The following GABRG3 variants were observed in gnomAD, a reference collection of about 807,000 sequenced individuals.
GABRG3 encodes the protein gamma-aminobutyric acid receptor subunit gamma-3.
A neutral mutation model predicts 48.8 loss-of-function variants in GABRG3; 25 were observed. The ratio of observed to expected loss-of-function variants is 0.51; its 90% confidence interval spans 0.37 to 0.72. The LOEUF (loss-of-function observed/expected upper bound fraction) is 0.72. Among genes scored for constraint, GABRG3 ranks in the 30% least tolerant of loss-of-function variants. The pLI is 0.00. For synonymous variants in GABRG3, 227 were observed against 217.6 expected (o/e 1.04, Z -0.38); for missense variants, 394 against 577.9 (o/e 0.68, Z 3.26).
chr15:27,400,863 G>A lies in GABRG3; in HGVS notation c.574+71975G>A, dbSNP rs117118744. Among the ~76,000 whole-genome samples the A allele has an allele frequency of 3.3e-5, 5 of 152,094 alleles. No homozygotes were observed. The East Asian group carries it at 5.8e-4, about 18-fold the overall frequency. On this transcript the variant is annotated intron_variant, in intron 5 of 9. Transcript: ENST00000615808. ...CGTGTGTCCTCTAAACAACGAAGAT[G>A]TATTTAACCTCAGACCTGGCTCACA...
chr15:27,458,674 C>A (rs1889359493), intron 5 of GABRG3, among the ~76,000 whole-genome samples: 1 of 151,136 alleles, frequency 6.6e-6, no homozygotes, highest in Admixed American at 6.6e-5. Flanking sequence ...GGCTCACTTT[C>A]TCCATATGCC....
At chr15:27,022,494 G>A (rs886534974) in intron 2 of GABRG3, among the ~76,000 whole-genome samples, 11 of 152,184 alleles carry the variant, frequency 7.2e-5, no homozygotes, top group East Asian at 1.9e-4. Flanking sequence ...GGGCTGAGGC[G>A]AGTTTAGCAG....
intron 3 of GABRG3, among the ~76,000 whole-genome samples, chr15:27,172,165 T>G (rs1403103130): frequency 2.0e-5 from 3 of 152,178 alleles, no homozygotes; most frequent in Non-Finnish European, 4.4e-5. Flanking sequence ...TGACAGGACA[T>G]TCAACCCACA....
intron 5 of GABRG3, among the ~76,000 whole-genome samples, chr15:27,386,735 C>T (rs558468558): frequency 2.0e-5 from 3 of 152,268 alleles, no homozygotes; most frequent in Admixed American, 2.0e-4. Flanking sequence ...CTGTTTATAA[C>T]CAGACTCAAT....
chr15:27,136,786 C>CAA (rs1566944526), intron 3 of GABRG3, among the ~76,000 whole-genome samples: 1 of 152,148 alleles, frequency 6.6e-6, no homozygotes, highest in East Asian at 1.9e-4. Context: ...GGGTAAGTCA[C>CAA]AACATCTCAC....
intron 3 of GABRG3, among the ~76,000 whole-genome samples, chr15:27,198,346 G>T (rs1888566544): frequency 6.6e-6 from 1 of 152,130 alleles, no homozygotes; most frequent in Non-Finnish European, 1.5e-5. Flanking sequence ...GATATGAACA[G>T]ACATCTTTCA....
At chr15:27,231,428 T>C (rs11855073) in intron 3 of GABRG3, among the ~76,000 whole-genome samples, 27,580 of 152,136 alleles carry the variant, frequency 0.18, 3,474 homozygotes, top group East Asian at 0.41. Flanking sequence ...GCTCCTCTGA[T>C]AAAAGTGTTG....
intron 5 of GABRG3, chr15:27,363,220 G>C (rs935008603): frequency 6.6e-6 from 1 of 152,124 alleles, no homozygotes; most frequent in South Asian, 2.1e-4. Context: ...CTTCTTGCAG[G>C]TGAAATAAGC....
At chr15:27,216,722 C>G (rs1288870525) in intron 3 of GABRG3, among the ~76,000 whole-genome samples, 2 of 139,308 alleles carry the variant, frequency 1.4e-5, no homozygotes, top group Admixed American at 1.6e-4. Context: ...TTACTTCTGA[C>G]CAATTCATTT....
At chr15:27,363,103 A>T (rs972693450) in intron 5 of GABRG3, 3 of 152,206 alleles carry the variant, frequency 2.0e-5, no homozygotes, top group African/African-American at 7.2e-5. Context: ...CCCCCAAAAG[A>T]GGCTGTCCCT....
chr15:27,061,177 G>A (rs1338070379), intron 3 of GABRG3, among the ~76,000 whole-genome samples: 1 of 152,250 alleles, frequency 6.6e-6, no homozygotes, highest in African/African-American at 2.4e-5. Context: ...GGTAAGAAGT[G>A]AAAGGCCAAT....
In GABRG3 at chr15:27,306,623, A is replaced by ATAAACATATGTTTATATATAAACAT. The variant is rs1566768569; in HGVS notation, c.271-20186_271-20185insTAAACATATGTTTATATATAAACAT. Among the ~76,000 whole-genome samples, 252 of 120,170 alleles carry ATAAACATATGTTTATATATAAACAT rather than the reference A, an allele frequency of 2.1e-3. 10 individuals carry two copies. The highest frequency in any genetic ancestry group is 8.7e-3 in the African/African-American group (244 of 27,944). 78.8% of individuals were successfully genotyped at this position (120,170 alleles called of 152,430 possible). A position where few individuals can be genotyped will look rare whatever the true frequency, so the allele number is the denominator to read the frequency against. On this transcript the variant is annotated intron_variant, in intron 3 of 9. Coordinates refer to ENST00000615808, the MANE Select transcript of GABRG3 (RefSeq NM_033223.5). ...CATATGTTTATATATAAACATATAT[A>ATAAACATATGTTTATATATAAACAT]ATATAAACATATATTTATATATAAA...
intron 5 of GABRG3, among the ~76,000 whole-genome samples, chr15:27,369,806 CAAAA>C (rs34901488): frequency 4.3e-4 from 13 of 30,270 alleles, no homozygotes; most frequent in African/African-American, 9.0e-4. Context: ...GACTCCGTCT[CAAAA>C]AAAAAAAAAA....
intron 3 of GABRG3, among the ~76,000 whole-genome samples, chr15:27,029,410 G>C (rs1455828761): frequency 6.6e-6 from 1 of 151,864 alleles, no homozygotes; most frequent in Non-Finnish European, 1.5e-5. Context: ...GCAAAGCATA[G>C]AGGGCAGGCA....
At chr15:27,091,906 T>A (rs540490875) in intron 3 of GABRG3, among the ~76,000 whole-genome samples, 1 of 152,296 alleles carries the variant, frequency 6.6e-6, no homozygotes, top group African/African-American at 2.4e-5. Context: ...CATTCCTTGG[T>A]TGTTATAACC....
chr15:27,077,610 G>A (rs1416219079), intron 3 of GABRG3, among the ~76,000 whole-genome samples: 1 of 152,168 alleles, frequency 6.6e-6, no homozygotes, highest in Non-Finnish European at 1.5e-5. Context: ...GACCCCGTGT[G>A]AGCCTTCTTC....
At chr15:27,455,585 T>C (rs58044935) in intron 5 of GABRG3, among the ~76,000 whole-genome samples, 1,840 of 151,510 alleles carry the variant, frequency 0.012, 19 homozygotes, top group African/African-American at 0.043. Flanking sequence ...GGTGTGTATG[T>C]GTGCTATGTG....
intron 5 of GABRG3, among the ~76,000 whole-genome samples, chr15:27,346,955 C>T (rs1489216892): frequency 6.6e-6 from 1 of 151,708 alleles, no homozygotes; most frequent in African/African-American, 2.4e-5. Flanking sequence ...TGCTGTGTCT[C>T]TTTACATTGA....
chr15:26,990,822 T>A (rs76362385), intron 2 of GABRG3, among the ~76,000 whole-genome samples: 2 of 140,048 alleles, frequency 1.4e-5, no homozygotes, highest in East Asian at 4.1e-4. Flanking sequence ...TTTTTTTTTT[T>A]AAGACAGAGT....
Sources: allele counts gnomAD v4.1 joint callset (sites outside exome capture counted in the v4.1 genomes callset), GRCh38; gene constraint gnomAD v4.1.1; transcripts MANE v1.5; gene names NCBI Gene and HGNC (gene_info 2026-07-23, HGNC 2026-07-21).